The following TRIM14 variants were observed in gnomAD, a reference collection of about 807,000 sequenced individuals.
The protein encoded by TRIM14 is tripartite motif-containing protein 14.
TRIM14 carries 28 observed loss-of-function variants against 44.5 expected under a neutral mutation model. The ratio of observed to expected loss-of-function variants is 0.63; its 90% confidence interval spans 0.47 to 0.86. TRIM14 has a LOEUF of 0.86. TRIM14 is among the 40% of genes least tolerant of loss of function. The pLI, the probability that TRIM14 is intolerant of heterozygous loss-of-function variation, is 0.00. For missense variants in TRIM14, 607 were observed against 611.1 expected (o/e 0.99, Z 0.07); for synonymous variants, 299 against 269.2 (o/e 1.11, Z -1.08).
downstream of TRIM14, chr9:98,081,630 C>G (rs1366894389): frequency 6.5e-6 from 1 of 152,694 alleles, no homozygotes; most frequent in Non-Finnish European, 1.5e-5. Context: ...AGAAGCACTG[C>G]CTGGCATGCT....
the TRIM14 span, among the ~76,000 whole-genome samples, chr9:98,041,226 C>G: frequency 6.6e-6 from 1 of 151,912 alleles, no homozygotes; most frequent in Admixed American, 6.6e-5. Context: ...GGACTTGTAA[C>G]CCACAAATAA....
Position 98,119,083 on chromosome 9 carries a change from A to C in TRIM14, c.106T>G (p.Cys36Gly). ...EHGDRVAELFCRRCRRCVCAL... is the reference protein window; with the variant it reads ...EHGDRVAELFGRRCRRCVCAL... Reference sequence around the variant, plus strand: ...CACACGCAGCGGCGGCAGCGGCGACAGAAGAGCTCAGCCACGCGGTCGCCA... The same window carrying C: ...CACACGCAGCGGCGGCAGCGGCGACCGAAGAGCTCAGCCACGCGGTCGCCA... Residue 36 changes from cysteine (C) to glycine (G), a missense_variant, in exon 1 of 6, where the codon TGT (cysteine) becomes GGT (glycine). Cys to Gly is a radical substitution (Grantham distance 159, BLOSUM62 -3). This residue lies in a region of TRIM14 where 246 missense variants were observed against 270.8 expected (regional missense o/e 0.91). Coordinates refer to ENST00000341469, the MANE Select transcript of TRIM14 (RefSeq NM_014788.4). The C allele has an allele frequency of 6.3e-7, 1 of 1,584,798 alleles. No individual in the cohort carries two copies. The highest frequency in any genetic ancestry group is 8.5e-7 in the Non-Finnish European group (1 of 1,175,278).
At chr9:98,077,078 C>T in intron 6 of TRIM14, 2 of 1,252,016 alleles carry the variant, frequency 1.6e-6, no homozygotes, top group Non-Finnish European at 2.2e-6. Context: ...TTTTTACTCC[C>T]CTCATGGTGG....
downstream of TRIM14, among the ~76,000 whole-genome samples, chr9:98,065,379 C>T (rs1382856070): frequency 7.4e-6 from 1 of 135,448 alleles, no homozygotes; most frequent in Non-Finnish European, 1.5e-5. Flanking sequence ...ATCAATGGTG[C>T]AATCTCGGCT....
At chr9:98,091,051 G>A (rs1377041037) in intron 5 of TRIM14, among the ~76,000 whole-genome samples, 1 of 152,094 alleles carries the variant, frequency 6.6e-6, no homozygotes, top group East Asian at 1.9e-4. Context: ...TCTTTAGATT[G>A]AGTCTTTTTT....
At chr9:98,054,396 A>G in the TRIM14 span, among the ~76,000 whole-genome samples, 1 of 152,174 alleles carries the variant, frequency 6.6e-6, no homozygotes, top group Admixed American at 6.5e-5. Context: ...CTCCAGAACC[A>G]AGACTCTTCC....
At chr9:98,080,970 C>T (rs1483044560), downstream of TRIM14, 12 of 1,614,054 alleles carry the variant, frequency 7.4e-6, no homozygotes, top group Non-Finnish European at 1.0e-5. Context: ...CACTCGGCCT[C>T]GCTGGAGCCT....
At chr9:98,059,046 C>T in the TRIM14 span, among the ~76,000 whole-genome samples, 14 of 151,152 alleles carry the variant, frequency 9.3e-5, no homozygotes, top group East Asian at 2.2e-3. Context: ...TTTTTCAAGA[C>T]GGAGTCTCGC....
downstream of TRIM14, chr9:98,081,086 T>C (rs41424445): frequency 1.1e-3 from 1,773 of 1,614,076 alleles, 15 homozygotes; most frequent in African/African-American, 0.02. Flanking sequence ...TGAGAAGGTG[T>C]GTCCTGCCGG....
Position 98,109,898 on chromosome 9 carries a change from C to T in TRIM14, c.294G>A (p.Glu98=), listed in dbSNP as rs41313311. 3.4e-3 allele frequency: 5,429 copies of T among 1,613,472 alleles called. 12 individuals carry two copies. Among genetic ancestry groups the T allele is most frequent in the Non-Finnish European group, 4.2e-3 (4,923 of 1,179,654 alleles). ...AGAAATGTCCACTTGCCTTGAGCTT[C>T]TCGGTGGCATCTTCTATCTGGGTTA... ...DNITQIEDAT[E]KLKANAESSK... Residue 98 remains glutamate (E), a synonymous_variant, in exon 2 of 6, where the codon GAG becomes GAA. Coordinates refer to ENST00000341469, the MANE Select transcript of TRIM14 (RefSeq NM_014788.4).
At chr9:98,067,817 G>A (rs916641344), downstream of TRIM14, among the ~76,000 whole-genome samples, 3 of 138,302 alleles carry the variant, frequency 2.2e-5, no homozygotes, top group Non-Finnish European at 4.5e-5. Flanking sequence ...GGCCTCCTGA[G>A]CTCAAGCAAT....
the TRIM14 span, chr9:98,056,991 G>T: frequency 3.8e-5 from 57 of 1,501,662 alleles, no homozygotes; most frequent in South Asian, 7.4e-4. Flanking sequence ...GAGGGGCGGG[G>T]CGGGGCCGCG....
chr9:98,072,887 T>A (rs1394916375), intron 6 of TRIM14, among the ~76,000 whole-genome samples: 2 of 152,206 alleles, frequency 1.3e-5, no homozygotes, highest in Non-Finnish European at 2.9e-5. Context: ...CTCCACACTG[T>A]ATGCTGTTCT....
At chr9:98,112,754 C>A (rs189095079) in intron 1 of TRIM14, among the ~76,000 whole-genome samples, 9 of 138,966 alleles carry the variant, frequency 6.5e-5, no homozygotes, top group Non-Finnish European at 4.5e-5. Flanking sequence ...GCAGAGATTG[C>A]GCCATTGCAC....
At chr9:98,088,285 C>T (rs1587943193) in intron 5 of TRIM14, among the ~76,000 whole-genome samples, 2 of 152,322 alleles carry the variant, frequency 1.3e-5, no homozygotes, top group South Asian at 4.1e-4. Context: ...CTAATCCTAT[C>T]ACTGTTAACA....
chr9:98,042,292 G>GAAAA, the TRIM14 span, among the ~76,000 whole-genome samples: 91 of 136,572 alleles, frequency 6.7e-4, 5 homozygotes, highest in African/African-American at 2.0e-3. Context: ...GACTCTGTCT[G>GAAAA]GAAAAAAAAA....
intron 3 of TRIM14, among the ~76,000 whole-genome samples, chr9:98,098,042 G>T (rs1252566071): frequency 6.6e-6 from 1 of 152,194 alleles, no homozygotes; most frequent in Non-Finnish European, 1.5e-5. Flanking sequence ...GACTGGCTTG[G>T]CGGGTTTTGT....
chr9:98,054,781 G>A, the TRIM14 span, among the ~76,000 whole-genome samples: 2 of 152,154 alleles, frequency 1.3e-5, no homozygotes, highest in African/African-American at 2.4e-5. Flanking sequence ...TGGATCCATC[G>A]CCAGAGGGGG....
chr9:98,047,917 T>A, the TRIM14 span, among the ~76,000 whole-genome samples: 6 of 152,092 alleles, frequency 3.9e-5, no homozygotes, highest in Non-Finnish European at 8.8e-5. Flanking sequence ...ATACAAAAAT[T>A]AGCTGGGCGT....
Sources: gnomAD v4.1 joint callset for allele counts (sites outside exome capture counted in the v4.1 genomes callset) on GRCh38, gnomAD v4.1.1 for gene constraint, gnomAD v4.1.1 regional missense constraint, MANE v1.5 for transcripts, NCBI Gene and HGNC (gene_info 2026-07-23, HGNC 2026-07-21) for gene names.